Variants in CNTN3 observed in about 807,000 individuals in gnomAD.
The protein encoded by CNTN3 is contactin-3.
Under a neutral mutation model 119.1 loss-of-function variants are expected in CNTN3, and 60 were observed. That is an observed-to-expected ratio of 0.50 (90% confidence interval 0.41 to 0.62). CNTN3 has a LOEUF of 0.62. CNTN3 is among the 20% of genes least tolerant of loss of function. The pLI is 0.00. For synonymous variants in CNTN3, 450 were observed against 438.7 expected (o/e 1.03, Z -0.32); for missense variants, 1,101 against 1,242.4 (o/e 0.89, Z 1.71).
intron 22 of CNTN3, among the ~76,000 whole-genome samples, chr3:74,264,945 C>G (rs1247663501): frequency 6.6e-6 from 1 of 152,082 alleles, no homozygotes; most frequent in Non-Finnish European, 1.5e-5. Context: ...TTTAAGTTTT[C>G]TTAAATGATA....
rs754584985 is a variant in CNTN3, at chr3:74,592,431, C to G, written c.-81+21960G>C. 1.8e-4 allele frequency among the ~76,000 whole-genome samples: 28 copies of G among 151,648 alleles called. 2 individuals carry two copies. The highest frequency in any genetic ancestry group is 1.8e-3 in the Admixed American group (28 of 15,172). Reference sequence around the variant, plus strand: ...GACTCAAGAATTGTTAAAAAAAATACGCTTACTCTAAAAATCACTTGGCAA... The same window carrying G: ...GACTCAAGAATTGTTAAAAAAAATAGGCTTACTCTAAAAATCACTTGGCAA... On this transcript the variant is annotated intron_variant, in intron 1 of 22. Coordinates refer to ENST00000263665, the MANE Select transcript of CNTN3 (RefSeq NM_020872.3).
chr3:74,450,663 TC>T (rs375444644), intron 4 of CNTN3, among the ~76,000 whole-genome samples: 2,135 of 53,990 alleles, frequency 0.04, 60 homozygotes, highest in African/African-American at 0.13. Flanking sequence ...CCCTCCCCCC[TC>T]CCCCCACCCC....
chr3:74,432,234 G>A (rs1427924332), intron 4 of CNTN3, among the ~76,000 whole-genome samples: 1 of 152,026 alleles, frequency 6.6e-6, no homozygotes, highest in Non-Finnish European at 1.5e-5. Flanking sequence ...ACCCAGAAAA[G>A]CAATCAAAAT....
At chr3:74,269,561 T>C (rs1292145122) in intron 20 of CNTN3, among the ~76,000 whole-genome samples, 5 of 152,176 alleles carry the variant, frequency 3.3e-5, no homozygotes, top group African/African-American at 1.2e-4. Context: ...ACATACATAA[T>C]CTGGACCCAG....
intron 1 of CNTN3, among the ~76,000 whole-genome samples, chr3:74,596,036 T>G (rs1160545257): frequency 6.6e-6 from 1 of 152,104 alleles, no homozygotes; most frequent in African/African-American, 2.4e-5. Context: ...AGCATTCTTA[T>G]ACACCAAAAA....
chr3:74,461,209 T>C (rs1702361413), intron 4 of CNTN3, among the ~76,000 whole-genome samples: 1 of 151,966 alleles, frequency 6.6e-6, no homozygotes, highest in South Asian at 2.1e-4. Context: ...ATTTGAACAA[T>C]TTGGTCATGA....
At chr3:74,529,608 T>C (rs1703665716) in intron 1 of CNTN3, among the ~76,000 whole-genome samples, 1 of 151,896 alleles carries the variant, frequency 6.6e-6, no homozygotes. Context: ...GCCACAAAAA[T>C]TTGTAAAATC....
chr3:74,377,310 C>A (rs952358939), intron 5 of CNTN3, among the ~76,000 whole-genome samples: 1 of 151,930 alleles, frequency 6.6e-6, no homozygotes, highest in South Asian at 2.1e-4. Context: ...TATATATGTA[C>A]ATATATATCA....
chr3:74,478,494 C>T lies in CNTN3; in HGVS notation c.358+7962G>A, dbSNP rs373610338. ...TGTATGCACACTGGATTCTGCAATCCCCCAAGGCCTCTTTTCTACTTAGCT... is the reference window on the plus strand; with the variant it reads ...TGTATGCACACTGGATTCTGCAATCTCCCAAGGCCTCTTTTCTACTTAGCT... On this transcript the variant is annotated intron_variant, in intron 4 of 22. Coordinates refer to ENST00000263665, the MANE Select transcript of CNTN3 (RefSeq NM_020872.3). Among the ~76,000 whole-genome samples, 183 of 152,192 alleles carry T rather than the reference C, an allele frequency of 1.2e-3. 1 individual carries two copies. The South Asian group carries it at 0.024, about 20-fold the overall frequency.
intron 16 of CNTN3, 57 bp downstream of exon 16, chr3:74,301,341 G>T: frequency 6.4e-7 from 1 of 1,556,132 alleles, no homozygotes; most frequent in Non-Finnish European, 8.7e-7. Context: ...CAGGGCCAAG[G>T]GAAATGGAAG....
chr3:74,388,977 C>T (rs984700552), intron 5 of CNTN3, among the ~76,000 whole-genome samples: 4 of 152,144 alleles, frequency 2.6e-5, no homozygotes, highest in East Asian at 1.9e-4. Context: ...TCTGGCCATT[C>T]GTCTTACACG....
chr3:74,531,892 AGG>A (rs1703698110), intron 1 of CNTN3, among the ~76,000 whole-genome samples: 1 of 151,932 alleles, frequency 6.6e-6, no homozygotes. Flanking sequence ...ATTCCAAAAC[AGG>A]ATGTTGTGAT....
At chr3:74,299,785 C>T in intron 17 of CNTN3, 83 bp downstream of exon 17, 2 of 1,093,514 alleles carry the variant, frequency 1.8e-6, no homozygotes, top group East Asian at 2.6e-5. Context: ...ACCACCTGCA[C>T]CATTGGCACC....
chr3:74,577,088 C>A (rs1022513709), intron 1 of CNTN3, among the ~76,000 whole-genome samples: 8 of 152,084 alleles, frequency 5.3e-5, no homozygotes, highest in Admixed American at 3.9e-4. Flanking sequence ...AAAACACATA[C>A]CTCTCCCTAG....
intron 5 of CNTN3, among the ~76,000 whole-genome samples, chr3:74,373,497 A>G (rs1319752490): frequency 6.6e-6 from 1 of 152,206 alleles, no homozygotes; most frequent in African/African-American, 2.4e-5. Context: ...TAAAAAGTCA[A>G]TCCTATTAAC....
At chr3:74,463,714 G>GT (rs1490945120) in intron 4 of CNTN3, among the ~76,000 whole-genome samples, 1 of 152,066 alleles carries the variant, frequency 6.6e-6, no homozygotes, top group South Asian at 2.1e-4. Flanking sequence ...TGTTATTGTT[G>GT]TTTTGTTCCC....
At chr3:74,607,130 A>G (rs1439013748) in intron 1 of CNTN3, among the ~76,000 whole-genome samples, 2 of 152,162 alleles carry the variant, frequency 1.3e-5, no homozygotes, top group Non-Finnish European at 2.9e-5. Flanking sequence ...CAAATGTGAA[A>G]GCTTCTTAGG....
At chr3:74,433,402 G>A (rs1364345911) in intron 4 of CNTN3, among the ~76,000 whole-genome samples, 1 of 152,130 alleles carries the variant, frequency 6.6e-6, no homozygotes, top group East Asian at 1.9e-4. Flanking sequence ...CCTTTTGCGA[G>A]ATTTTAAAAC....
At chr3:74,337,688 G>T (rs1575735687) in intron 11 of CNTN3, among the ~76,000 whole-genome samples, 1 of 152,054 alleles carries the variant, frequency 6.6e-6, no homozygotes, top group East Asian at 1.9e-4. Context: ...GTCCCACCAG[G>T]TCCCTCCCAC....
Sources: gnomAD v4.1 joint callset for allele counts (sites outside exome capture counted in the v4.1 genomes callset) on GRCh38, gnomAD v4.1.1 for gene constraint, MANE v1.5 for transcripts, NCBI Gene and HGNC (gene_info 2026-07-23, HGNC 2026-07-21) for gene names.